FAM234B: variants seen among roughly 807,000 people sequenced by gnomAD.
The protein encoded by FAM234B is family with sequence similarity 234 member B.
FAM234B carries 33 observed loss-of-function variants against 69.3 expected under a neutral mutation model. That is an observed-to-expected ratio of 0.48 (90% CI 0.36 to 0.64). The LOEUF (loss-of-function observed/expected upper bound fraction) is 0.64, where lower values mean the gene tolerates loss of function less well. Among genes scored for constraint, FAM234B ranks in the 30% least tolerant of loss-of-function variants. The probability of loss-of-function intolerance (pLI) is 0.00; values close to 1 mark genes in which losing one functional copy is unlikely to be tolerated. For missense variants in FAM234B, 697 were observed against 769.7 expected, an observed-to-expected ratio of 0.91 and a Z score of 1.12; for synonymous variants, 306 against 306.9, an observed-to-expected ratio of 1.00 and a Z score of 0.03.
At chr12:13,062,801 G>A in intron 4 of FAM234B, 44 bp from the exon 5 acceptor site, 1 of 1,606,186 alleles carries the variant, frequency 6.2e-7, no homozygotes, top group Non-Finnish European at 8.5e-7. Flanking sequence ...CTTTTCCAAA[G>A]GCAAGAAGTT....
chr12:13,046,652 G>T (rs1446942915), intron 1 of FAM234B, among the ~76,000 whole-genome samples: 1 of 152,110 alleles, frequency 6.6e-6, no homozygotes, highest in Non-Finnish European at 1.5e-5. Context: ...TAGAGACAGG[G>T]TTTCTCCATG....
chr12:13,068,600 A>G, intron 8 of FAM234B, 30 bp from the exon 9 acceptor site: 1 of 1,598,054 alleles, frequency 6.3e-7, no homozygotes, highest in Non-Finnish European at 8.6e-7. Context: ...CTTGTTCACT[A>G]TTGATTGCTT....
intron 4 of FAM234B, 111 bp downstream of exon 4, chr12:13,061,874 T>C (rs891128594): frequency 1.2e-6 from 1 of 841,314 alleles, no homozygotes; most frequent in East Asian, 2.6e-5. Context: ...AGTATCTGAT[T>C]TACTGATCTG....
At chr12:13,060,396 C>A (rs574768491) in intron 3 of FAM234B, among the ~76,000 whole-genome samples, 1 of 152,240 alleles carries the variant, frequency 6.6e-6, no homozygotes, top group South Asian at 2.1e-4. Flanking sequence ...CACAGACTGC[C>A]GAACAAGAGG....
At chr12:13,071,918 GA>G (rs772787575) in intron 10 of FAM234B, among the ~76,000 whole-genome samples, 3 of 152,208 alleles carry the variant, frequency 2.0e-5, no homozygotes, top group African/African-American at 4.8e-5. Context: ...CTAGAAGGCA[GA>G]TTTTAGAAAG....
rs773050321 is a variant in FAM234B, at chr12:13,067,162, A to G, written c.1008A>G (p.Ile336Met). ...AVYILFGFGN[I>M]QAVALRDIFV... ...GTTCTTCTGTGGTGCTAGGAAATAT[A>G]CAAGCTGTCGCACTGCGGGACATTT... The change falls in exon 7 of 13, where the codon ATA becomes ATG. Residue 336 changes from isoleucine to methionine, a missense_variant. Ile to Met is a conservative substitution (Grantham distance 10). This residue lies in a region of FAM234B where 380 missense variants were observed against 447.1 expected (regional missense o/e 0.85). Coordinates refer to ENST00000197268, the MANE Select transcript of FAM234B (RefSeq NM_020853.2). The surrounding 1 kb of genome is among the most constrained non-coding windows in gnomAD (Gnocchi z 4.7). 2 of 1,614,016 alleles carry G rather than the reference A, an allele frequency of 1.2e-6. No homozygotes were observed. The highest frequency in any genetic ancestry group is 1.7e-6 in the Non-Finnish European group (2 of 1,179,894).
At chr12:13,052,810 C>T (rs1255300640) in intron 1 of FAM234B, among the ~76,000 whole-genome samples, 1 of 152,184 alleles carries the variant, frequency 6.6e-6, no homozygotes, top group Non-Finnish European at 1.5e-5. Flanking sequence ...ATGGTACGTA[C>T]ATATCACATT....
In FAM234B at chr12:13,068,415, T is replaced by C; in HGVS notation, c.1254T>C (p.Pro418=). Residue 418 remains proline (P), a synonymous_variant, in exon 8 of 13, where the codon CCT becomes CCC. Coordinates refer to ENST00000197268, the MANE Select transcript of FAM234B (RefSeq NM_020853.2). The part of the protein sequence containing the change: ...LVLLRGQNLT[P]YWALRLQGLR... Reference sequence around the variant, plus strand: ...TGCTTCGGGGGCAAAATCTGACACCTTACTGGGCATTGAGACTTCAAGGCC... The same window carrying C: ...TGCTTCGGGGGCAAAATCTGACACCCTACTGGGCATTGAGACTTCAAGGCC... 5.6e-6 allele frequency: 9 copies of C among 1,614,204 alleles called. No individual in the cohort carries two copies. Among genetic ancestry groups the C allele is most frequent in the Non-Finnish European group, 7.6e-6 (9 of 1,180,032 alleles).
chr12:13,060,650 A>G (rs1864974293), intron 3 of FAM234B, among the ~76,000 whole-genome samples: 2 of 152,182 alleles, frequency 1.3e-5, no homozygotes, highest in Admixed American at 6.5e-5. Flanking sequence ...ACTTGTTTTT[A>G]GGTTGTATAT....
intron 3 of FAM234B, among the ~76,000 whole-genome samples, chr12:13,058,940 A>G (rs1199473039): frequency 6.6e-6 from 1 of 152,198 alleles, no homozygotes; most frequent in Non-Finnish European, 1.5e-5. Context: ...CCTGGAAGAA[A>G]ACTTTTGTTC....
intron 12 of FAM234B, among the ~76,000 whole-genome samples, chr12:13,080,269 A>G (rs140489839): frequency 3.9e-4 from 60 of 152,256 alleles, no homozygotes; most frequent in East Asian, 2.5e-3. Context: ...TATTGTCCCA[A>G]TGACTGACAG....
At position 13,068,409 on chromosome 12, in the gene FAM234B, G is replaced by C; in HGVS notation, c.1248G>C (p.Leu416=). ...TTGTGCTGCTTCGGGGGCAAAATCT[G>C]ACACCTTACTGGGCATTGAGACTTC... is the stretch of plus-strand genomic sequence containing the variant. ...QSLVLLRGQN[L]TPYWALRLQG... is the part of the protein sequence containing the mutation. The change falls in exon 8 of 13, where the codon CTG becomes CTC. Residue 416 remains leucine, a synonymous_variant. Coordinates refer to ENST00000197268, the MANE Select transcript of FAM234B (RefSeq NM_020853.2). 1.2e-6 allele frequency: 2 copies of C among 1,614,166 alleles called. No homozygotes were observed. The highest frequency in any genetic ancestry group is 1.7e-6 in the Non-Finnish European group (2 of 1,180,024).
In FAM234B at chr12:13,062,719, G is replaced by C. The variant is rs1403479665; in HGVS notation, c.722-126G>C. 3 of 934,700 alleles carry C rather than the reference G, an allele frequency of 3.2e-6. No homozygotes were observed. The Admixed American group carries it at 7.3e-5, about 23-fold the overall frequency. The allele number at this position is 934,700 out of a possible 1,614,324, so 57.9% of individuals were successfully genotyped here. On this transcript the variant is annotated intron_variant, in intron 4 of 12. Transcript: ENST00000197268. ...GTAAGACAAAAACGAAAGGCAATAA[G>C]TAGGTAGGAGTTGCTGTCTGTTGTT...
rs571396471 is a variant in FAM234B at position 13,079,752 on chromosome 12, G to A, written c.1643-37G>A. On this transcript the variant is annotated intron_variant, in intron 11 of 12. Coordinates refer to ENST00000197268, the MANE Select transcript of FAM234B (RefSeq NM_020853.2). ...CCTCTCCTGTTAGTGGACGGTATGTGTCCATGTTAACTGCTCTTGTTTTTG... is the reference window on the plus strand; with the variant it reads ...CCTCTCCTGTTAGTGGACGGTATGTATCCATGTTAACTGCTCTTGTTTTTG... The A allele has an allele frequency of 1.1e-5, 15 of 1,326,904 alleles. No homozygotes were observed. In the East Asian group the frequency reaches 3.0e-4, roughly 26 times the overall value. 82.2% of individuals were successfully genotyped at this position (1,326,904 alleles called of 1,614,324 possible).
At chr12:13,048,613 C>T (rs1864838567) in intron 1 of FAM234B, among the ~76,000 whole-genome samples, 1 of 150,892 alleles carries the variant, frequency 6.6e-6, no homozygotes, top group Non-Finnish European at 1.5e-5. Context: ...TGTTTCTAGT[C>T]TTTTTAAAGC....
Position 13,071,314 on chromosome 12 carries a change from C to T in FAM234B, c.1442C>T (p.Pro481Leu). Residue 481 changes from proline to leucine, a missense_variant, in exon 10 of 13, where the codon CCA becomes CTA. Coordinates refer to ENST00000197268, the MANE Select transcript of FAM234B (RefSeq NM_020853.2). The part of the protein sequence containing the change: ...YRAPCHMKET[P>L]ATSAVTSDQK... ...GCTCCGTGTCACATGAAAGAAACGC[C>T]AGCCACCTCAGCAGTTACTTCAGAC... 1 of 1,614,138 alleles carries T rather than the reference C, an allele frequency of 6.2e-7. No individual in the cohort carries two copies. Among genetic ancestry groups the T allele is most frequent in the South Asian group, 1.1e-5 (1 of 91,088 alleles).
Position 13,067,027 on chromosome 12 carries a change from G to T in FAM234B, c.1001-128G>T. The T allele has an allele frequency of 3.6e-6, 4 of 1,118,374 alleles. No homozygotes were observed. Among genetic ancestry groups the T allele is most frequent in the Non-Finnish European group, 5.2e-6 (4 of 768,814 alleles). The allele number at this position is 1,118,374 out of a possible 1,614,324, so 69.3% of individuals were successfully genotyped here. ...ACTTAATCACCTCCCCACTTGTTCCGTGTTGTCCAGTCTGGGCGGGCTCTG... is the reference window on the plus strand; with the variant it reads ...ACTTAATCACCTCCCCACTTGTTCCTTGTTGTCCAGTCTGGGCGGGCTCTG... On this transcript the variant is annotated intron_variant, in intron 6 of 12. Coordinates refer to ENST00000197268, the MANE Select transcript of FAM234B (RefSeq NM_020853.2). This position sits in a 1 kb window ranked among gnomAD's most constrained non-coding sequence, Gnocchi z 4.7.
In FAM234B at chr12:13,062,943, G is replaced by T. The variant is rs1864999815; in HGVS notation, c.820G>T (p.Asp274Tyr). ...AGACTTGGATGAAGACGGTGTTCGAGACCTTGTGGTTCTGGCCATTGGGGA... is the reference window on the plus strand; with the variant it reads ...AGACTTGGATGAAGACGGTGTTCGATACCTTGTGGTTCTGGCCATTGGGGA... Reference protein sequence around the residue: ...LPDLDEDGVRDLVVLAIGELQ... With the variant: ...LPDLDEDGVRYLVVLAIGELQ... Residue 274 changes from aspartate (D) to tyrosine (Y), a missense_variant, in exon 5 of 13, where the codon GAC becomes TAC. Transcript: ENST00000197268. The T allele has an allele frequency of 6.2e-7, 1 of 1,613,910 alleles. No individual in the cohort carries two copies. Among genetic ancestry groups the T allele is most frequent in the African/African-American group, 1.3e-5 (1 of 74,920 alleles).
At chr12:13,075,573 G>A (rs1236849862) in intron 10 of FAM234B, among the ~76,000 whole-genome samples, 1 of 150,826 alleles carries the variant, frequency 6.6e-6, no homozygotes, top group Non-Finnish European at 1.5e-5. Flanking sequence ...GAGTAGCTGG[G>A]GCTACAGGCA....
Sources: gnomAD v4.1 joint callset for allele counts (sites outside exome capture counted in the v4.1 genomes callset) on GRCh38, gnomAD v4.1.1 for gene constraint, gnomAD v4.1.1 regional missense constraint, Gnocchi (gnomAD v3.1) non-coding constraint, MANE v1.5 for transcripts, NCBI Gene and HGNC (gene_info 2026-07-23, HGNC 2026-07-21) for gene names.